ADCY9: variants seen among roughly 807,000 people sequenced by gnomAD.
ADCY9 encodes the protein adenylate cyclase type 9.
ADCY9 carries 50 observed loss-of-function variants against 101.5 expected under a neutral mutation model. That is an observed-to-expected ratio of 0.49 (90% CI 0.39 to 0.62). The LOEUF is 0.62. ADCY9 is among the 20% of genes least tolerant of loss of function. ADCY9 has a pLI of 0.00. For missense variants in ADCY9, 1,662 were observed against 1,800.4 expected (o/e 0.92, Z 1.39); for synonymous variants, 905 against 769.3 (o/e 1.18, Z -2.92).
intron 2 of ADCY9, among the ~76,000 whole-genome samples, chr16:4,070,261 A>G (rs1316491707): frequency 6.6e-6 from 1 of 152,104 alleles, no homozygotes; most frequent in Non-Finnish European, 1.5e-5. Flanking sequence ...TTTCACGCAT[A>G]TATTTTTCTC....
In ADCY9 at chr16:3,984,384, G is replaced by C. The variant is rs530464400; in HGVS notation, c.2311-944C>G. Among the ~76,000 whole-genome samples the C allele has an allele frequency of 2.0e-5, 3 of 152,340 alleles. 1 individual carries two copies. The highest frequency in any genetic ancestry group is 4.8e-5 in the African/African-American group (2 of 41,586). ...CTGTGCTGGGGGCCAGTACACTAGA[G>C]AGGCACACACTAGTGTTCGGCAATT... On this transcript the variant is annotated intron_variant, in intron 6 of 10. Transcript: ENST00000294016.
At chr16:4,078,262 A>T (rs528039406) in intron 2 of ADCY9, among the ~76,000 whole-genome samples, 19 of 152,340 alleles carry the variant, frequency 1.2e-4, no homozygotes, top group Non-Finnish European at 1.8e-4. Flanking sequence ...CTGATTTTTT[A>T]AAATGGTGGT....
At position 3,990,029 on chromosome 16, in the gene ADCY9, A is replaced by T. The variant is rs754706885; in HGVS notation, c.2208-933T>A. Among the ~76,000 whole-genome samples, 19 of 152,228 alleles carry T rather than the reference A, an allele frequency of 1.2e-4. 1 individual carries two copies. Among genetic ancestry groups the T allele is most frequent in the Admixed American group, 3.3e-4 (5 of 15,290 alleles). ...CAACCCCGCTTTCCATGACTCTTTC[A>T]TTCATTTATGAATTGCCAGCAAATA... is the stretch of plus-strand genomic sequence containing the variant. On this transcript the variant is annotated intron_variant, in intron 5 of 10. Transcript: ENST00000294016.
chr16:4,060,149 T>C (rs903374169), intron 2 of ADCY9, among the ~76,000 whole-genome samples: 2 of 152,072 alleles, frequency 1.3e-5, no homozygotes, highest in African/African-American at 2.4e-5. Flanking sequence ...CAACAGGAAA[T>C]GTACAGAAGG....
intron 2 of ADCY9, among the ~76,000 whole-genome samples, chr16:4,075,231 C>A (rs545339807): frequency 9.2e-4 from 140 of 151,828 alleles, no homozygotes; most frequent in African/African-American, 3.3e-3. Flanking sequence ...CTCCGCCTCC[C>A]GGGTTCAAGC....
At chr16:4,052,865 G>A (rs1167022284) in intron 2 of ADCY9, among the ~76,000 whole-genome samples, 1 of 152,172 alleles carries the variant, frequency 6.6e-6, no homozygotes, top group Non-Finnish European at 1.5e-5. Context: ...TCAGCCGAAC[G>A]CATCTGACAA....
intron 2 of ADCY9, among the ~76,000 whole-genome samples, chr16:4,080,447 G>C (rs2141178477): frequency 6.6e-6 from 1 of 152,060 alleles, no homozygotes; most frequent in South Asian, 2.1e-4. Flanking sequence ...GATAGAAATG[G>C]GGTTTTGCCA....
chr16:4,032,604 G>A (rs939571801), intron 2 of ADCY9, among the ~76,000 whole-genome samples: 2 of 149,986 alleles, frequency 1.3e-5, no homozygotes, highest in African/African-American at 2.5e-5. Context: ...CTGCCTCCCT[G>A]GTTCAAGAGA....
In ADCY9 at chr16:3,966,184, T is replaced by C; in HGVS notation, c.3653A>G (p.Lys1218Arg). 6.2e-7 allele frequency: 1 copy of C among 1,614,248 alleles called. No homozygotes were observed. The highest frequency in any genetic ancestry group is 1.1e-5 in the South Asian group (1 of 91,088). ...VSEESYRVLS[K>R]MGYDFDYRGT... ...TCTGTAGTCGAAGTCATAGCCCATC[T>C]TGCTCAAGACGCGGTAGCTCTCTTC... The change falls in exon 11 of 11, where the codon AAG becomes AGG. Residue 1218 changes from lysine to arginine, a missense_variant. Around this residue, in one of 5 missense-constraint regions of ADCY9, gnomAD observed 220 missense variants for 312.9 expected, o/e 0.70. Transcript: ENST00000294016.
intron 5 of ADCY9, among the ~76,000 whole-genome samples, chr16:3,989,659 G>GT (rs2056228254): frequency 6.6e-6 from 1 of 152,206 alleles, no homozygotes; most frequent in Non-Finnish European, 1.5e-5. Context: ...GGATGACAGC[G>GT]TGAGCTGCTG....
At chr16:3,986,076 C>T (rs545328697) in intron 6 of ADCY9, among the ~76,000 whole-genome samples, 8 of 152,364 alleles carry the variant, frequency 5.3e-5, no homozygotes, top group East Asian at 3.9e-4. Flanking sequence ...CGGGTGCGGC[C>T]GTCCCACCAT....
At chr16:3,970,450 C>T (rs1298484855) in intron 10 of ADCY9, among the ~76,000 whole-genome samples, 1 of 152,188 alleles carries the variant, frequency 6.6e-6, no homozygotes, top group Non-Finnish European at 1.5e-5. Flanking sequence ...CCTCAGCCTC[C>T]CGAGTAGCTG....
chr16:4,093,725 C>T (rs944528415), intron 2 of ADCY9, among the ~76,000 whole-genome samples: 1 of 152,206 alleles, frequency 6.6e-6, no homozygotes, highest in African/African-American at 2.4e-5. Flanking sequence ...CGTCACTGCA[C>T]TCCAGCCTGG....
At position 3,965,661 on chromosome 16, in the gene ADCY9, C is replaced by A. The variant is rs1215658072; in HGVS notation, c.*114G>T. On this transcript the variant is annotated 3_prime_UTR_variant, in exon 11 of 11. Transcript: ENST00000294016. ...ACAGAAGTTAGGGCTGAAATGACCA[C>A]ATAACACCACGTCCGGGGAGGGCAA... The A allele has an allele frequency of 1.4e-5, 13 of 923,280 alleles. No homozygotes were observed. The highest frequency in any genetic ancestry group is 1.8e-5 in the Non-Finnish European group (11 of 614,406). The allele number at this position is 923,280 out of a possible 1,614,324, so 57.2% of individuals were successfully genotyped here.
At chr16:4,105,324 T>C (rs1255462016) in intron 2 of ADCY9, among the ~76,000 whole-genome samples, 2 of 152,052 alleles carry the variant, frequency 1.3e-5, no homozygotes, top group Admixed American at 1.3e-4. Flanking sequence ...ACAACCTATA[T>C]AAATAATGCA....
chr16:4,050,769 A>G lies in ADCY9; in HGVS notation c.1694-43211T>C, dbSNP rs561851656. Among the ~76,000 whole-genome samples, 9 of 150,676 alleles carry G rather than the reference A, an allele frequency of 6.0e-5. No individual in the cohort carries two copies. The South Asian group carries it at 1.9e-3, about 32-fold the overall frequency. The stretch of plus-strand genomic sequence containing the variant: ...ACTACGCTGCTTGAGAAGTCCTTGT[A>G]GCCGTAATAGCCCAGTAGCGTGAAC... On this transcript the variant is annotated intron_variant, in intron 2 of 10. Coordinates refer to ENST00000294016, the MANE Select transcript of ADCY9 (RefSeq NM_001116.4).
intron 2 of ADCY9, among the ~76,000 whole-genome samples, chr16:4,070,450 C>A (rs1253871632): frequency 1.3e-5 from 2 of 152,078 alleles, no homozygotes; most frequent in African/African-American, 4.8e-5. Flanking sequence ...AATTACTGAA[C>A]TCAACAAAAC....
intron 3 of ADCY9, among the ~76,000 whole-genome samples, chr16:3,997,866 G>A (rs2056299726): frequency 6.6e-6 from 1 of 151,818 alleles, no homozygotes; most frequent in Non-Finnish European, 1.5e-5. Flanking sequence ...GGCTGAGGCG[G>A]GTGGATCACC....
At chr16:4,075,886 T>C (rs2056864122) in intron 2 of ADCY9, among the ~76,000 whole-genome samples, 1 of 152,184 alleles carries the variant, frequency 6.6e-6, no homozygotes, top group African/African-American at 2.4e-5. Context: ...AGGCAGTGTT[T>C]TTTGGAGAAA....
Sources: allele counts gnomAD v4.1 joint callset (sites outside exome capture counted in the v4.1 genomes callset), GRCh38; gene constraint gnomAD v4.1.1; regional missense constraint gnomAD v4.1.1; transcripts MANE v1.5; gene names NCBI Gene and HGNC (gene_info 2026-07-23, HGNC 2026-07-21).